RTN4RL1: variants seen among roughly 807,000 people sequenced by gnomAD.
RTN4RL1 encodes reticulon 4 receptor like 1, also known as reticulon-4 receptor-like 1.
Under a neutral mutation model 25.6 loss-of-function variants are expected in RTN4RL1, and 7 were observed. The observed-to-expected ratio is 0.27, with a 90% confidence interval of 0.16 to 0.51. RTN4RL1 has a LOEUF of 0.51. RTN4RL1 is among the 20% of genes least tolerant of loss of function. The probability of loss-of-function intolerance (pLI) is 0.97; values close to 1 mark genes in which losing one functional copy is unlikely to be tolerated. For missense variants in RTN4RL1, 500 were observed against 615.6 expected (o/e 0.81, Z 1.99); for synonymous variants, 297 against 288.2 (o/e 1.03, Z -0.31).
At chr17:1,943,321 G>T (rs1915477028) in intron 1 of RTN4RL1, among the ~76,000 whole-genome samples, 1 of 152,228 alleles carries the variant, frequency 6.6e-6, no homozygotes, top group Non-Finnish European at 1.5e-5. Context: ...GGTGGGCAGG[G>T]CGTCCTCCAC....
rs566553225 is a variant in RTN4RL1 at position 1,969,058 on chromosome 17, C to CTTTT, written c.14-31254_14-31251dup. ...TCGTGGGGGAGCTGGACCACTGTCC[C>CTTTT]TTTTTTTTTTTTTTTTTTGAGATGG... On this transcript the variant is annotated intron_variant, in intron 1 of 1. Coordinates refer to ENST00000331238, the MANE Select transcript of RTN4RL1 (RefSeq NM_178568.4). Among the ~76,000 whole-genome samples, 129 of 103,896 alleles carry CTTTT rather than the reference C, an allele frequency of 1.2e-3. 15 individuals are homozygous for CTTTT. Among genetic ancestry groups the CTTTT allele is most frequent in the Middle Eastern group, 0.012 (2 of 162 alleles). 68.2% of individuals were successfully genotyped at this position (103,896 alleles called of 152,430 possible). A position where few individuals can be genotyped will look rare whatever the true frequency, so the allele number is the denominator to read the frequency against.
chr17:1,935,362 C>T lies in RTN4RL1; in HGVS notation c.*1134G>A, dbSNP rs541967327. 4.3e-4 allele frequency: 70 copies of T among 163,218 alleles called. No homozygotes were observed. Among genetic ancestry groups the T allele is most frequent in the African/African-American group, 1.7e-3 (69 of 41,712 alleles). 10.1% of individuals were successfully genotyped at this position (163,218 alleles called of 1,614,324 possible). A position where few individuals can be genotyped will look rare whatever the true frequency, so the allele number is the denominator to read the frequency against. The stretch of plus-strand genomic sequence containing the variant: ...CTTCTCACCCTGAAGCCAACAGCTA[C>T]GACAGCAGGGGTGACAGGGCGCTCC... On this transcript the variant is annotated 3_prime_UTR_variant, in exon 2 of 2. Transcript: ENST00000331238.
At chr17:1,999,673 GC>G (rs61003177) in intron 1 of RTN4RL1, among the ~76,000 whole-genome samples, 12 of 150,546 alleles carry the variant, frequency 8.0e-5, no homozygotes, top group African/African-American at 2.2e-4. Context: ...CCCTATACAT[GC>G]CCCCCCCACA....
At chr17:1,939,050 AAAAT>A (rs1420998277) in intron 1 of RTN4RL1, among the ~76,000 whole-genome samples, 1 of 149,176 alleles carries the variant, frequency 6.7e-6, no homozygotes, top group Non-Finnish European at 1.5e-5. Flanking sequence ...TGTCTCAAAA[AAAAT>A]AAATAAATAA....
intron 1 of RTN4RL1, among the ~76,000 whole-genome samples, chr17:2,001,279 C>G (rs1286912525): frequency 1.3e-5 from 2 of 151,398 alleles, no homozygotes; most frequent in Non-Finnish European, 2.9e-5. Context: ...GAGTCTCACT[C>G]TGTTGCCCAG....
At chr17:2,017,790 T>C (rs1199142018) in intron 1 of RTN4RL1, 1 of 152,338 alleles carries the variant, frequency 6.6e-6, no homozygotes, top group East Asian at 1.9e-4. Context: ...TAGCAGGGGC[T>C]GTTTGCAGTT....
chr17:1,969,556 T>G (rs1284013080), intron 1 of RTN4RL1, among the ~76,000 whole-genome samples: 1 of 152,150 alleles, frequency 6.6e-6, no homozygotes, highest in Non-Finnish European at 1.5e-5. Context: ...GCCGCCAGCT[T>G]CCCTAAGCGA....
At chr17:2,020,034 G>C in intron 1 of RTN4RL1, 1 of 152,126 alleles carries the variant, frequency 6.6e-6, no homozygotes, top group East Asian at 1.9e-4. Context: ...CTCTCCTCTT[G>C]ACGTCTTTTT....
At chr17:2,019,756 G>A (rs1367848331) in intron 1 of RTN4RL1, 11 of 152,262 alleles carry the variant, frequency 7.2e-5, no homozygotes, top group African/African-American at 2.4e-4. Flanking sequence ...TCCTACTGTG[G>A]AGGAACGAGG....
In RTN4RL1 at chr17:1,937,358, T is replaced by C; in HGVS notation, c.464A>G (p.Tyr155Cys). 6.2e-7 allele frequency: 1 copy of C among 1,613,530 alleles called. No homozygotes were observed. The highest frequency in any genetic ancestry group is 8.5e-7 in the Non-Finnish European group (1 of 1,179,838). Residue 155 changes from tyrosine to cysteine, a missense_variant, in exon 2 of 2, where the codon TAC becomes TGC. By Grantham distance (194) the Tyr-to-Cys change is radical. Transcript: ENST00000331238. Reference sequence around the variant, plus strand: ...GTACTCGATGTGGTTGTCCTGCAGGTAGAGGTACTGCAGGCTGTGCAGGCC... The same window carrying C: ...GTACTCGATGTGGTTGTCCTGCAGGCAGAGGTACTGCAGGCTGTGCAGGCC... ...FGGLHSLQYL[Y>C]LQDNHIEYLQ...
At chr17:1,941,813 T>C (rs1479674573) in intron 1 of RTN4RL1, among the ~76,000 whole-genome samples, 1 of 152,142 alleles carries the variant, frequency 6.6e-6, no homozygotes, top group Non-Finnish European at 1.5e-5. Flanking sequence ...CCGCCGCCTC[T>C]GGTACCCCCT....
At chr17:1,984,211 T>G (rs1162011197) in intron 1 of RTN4RL1, among the ~76,000 whole-genome samples, 1 of 152,162 alleles carries the variant, frequency 6.6e-6, no homozygotes, top group Non-Finnish European at 1.5e-5. Context: ...CTACACCTAT[T>G]GTTCTAGGGG....
Position 1,936,324 on chromosome 17 carries a change from C to T in RTN4RL1, c.*172G>A. 1.4e-6 allele frequency: 2 copies of T among 1,423,528 alleles called. No individual in the cohort carries two copies. Among genetic ancestry groups the T allele is most frequent in the Non-Finnish European group, 1.8e-6 (2 of 1,095,248 alleles). 88.2% of individuals were successfully genotyped at this position (1,423,528 alleles called of 1,614,324 possible). On this transcript the variant is annotated 3_prime_UTR_variant, in exon 2 of 2. Coordinates refer to ENST00000331238, the MANE Select transcript of RTN4RL1 (RefSeq NM_178568.4). ...CCACCCCCTCCCGCCTAGGGCTGTACACTTTGGGTTTATAATCCACATGGC... is the reference window on the plus strand; with the variant it reads ...CCACCCCCTCCCGCCTAGGGCTGTATACTTTGGGTTTATAATCCACATGGC...
intron 1 of RTN4RL1, among the ~76,000 whole-genome samples, chr17:1,939,811 G>A (rs1475406417): frequency 1.3e-5 from 2 of 152,116 alleles, no homozygotes; most frequent in African/African-American, 2.4e-5. Flanking sequence ...CGAGGTTGGG[G>A]GGCCGGCTCC....
chr17:2,003,148 C>T (rs2066970454), intron 1 of RTN4RL1: 1 of 152,218 alleles, frequency 6.6e-6, no homozygotes. Flanking sequence ...CCTTATCCTC[C>T]CAGGGATTGG....
At chr17:1,970,615 G>A (rs1042798290) in intron 1 of RTN4RL1, among the ~76,000 whole-genome samples, 13 of 152,288 alleles carry the variant, frequency 8.5e-5, no homozygotes, top group African/African-American at 2.9e-4. Context: ...CGCTGACACT[G>A]TGTTCTTGGT....
At chr17:1,984,327 G>A (rs986761364) in intron 1 of RTN4RL1, among the ~76,000 whole-genome samples, 3 of 152,230 alleles carry the variant, frequency 2.0e-5, no homozygotes, top group Non-Finnish European at 2.9e-5. Flanking sequence ...TGACACAGGT[G>A]ACAGTGAGGA....
intron 1 of RTN4RL1, among the ~76,000 whole-genome samples, chr17:1,944,427 C>T (rs1055102618): frequency 6.6e-6 from 1 of 152,114 alleles, no homozygotes; most frequent in Non-Finnish European, 1.5e-5. Context: ...CAGTCAGACG[C>T]AGCGCCTTCA....
At chr17:1,981,116 C>G (rs546145822) in intron 1 of RTN4RL1, among the ~76,000 whole-genome samples, 1 of 147,622 alleles carries the variant, frequency 6.8e-6, no homozygotes, top group African/African-American at 2.6e-5. Context: ...CTGGGAGCCT[C>G]GTGCCTAGGA....
Sources: allele counts gnomAD v4.1 joint callset (sites outside exome capture counted in the v4.1 genomes callset), GRCh38; gene constraint gnomAD v4.1.1; transcripts MANE v1.5; gene names NCBI Gene and HGNC (gene_info 2026-07-23, HGNC 2026-07-21).